DNMBP: variants seen among roughly 807,000 people sequenced by gnomAD.
DNMBP encodes the protein dynamin binding protein, also known as dynamin-binding protein.
DNMBP carries 87 observed loss-of-function variants against 150.0 expected under a neutral mutation model. The ratio of observed to expected loss-of-function variants is 0.58; its 90% CI spans 0.49 to 0.69. The LOEUF (loss-of-function observed/expected upper bound fraction) is 0.69. Ranked by LOEUF, DNMBP falls within the 30% of genes least tolerant of loss-of-function variation. The pLI is 0.00. For synonymous variants in DNMBP, 711 were observed against 750.4 expected (o/e 0.95, Z 0.86); for missense variants, 1,774 against 1,949.0 (o/e 0.91, Z 1.69).
Position 99,957,199 on chromosome 10 carries a change from A to C in DNMBP, c.275T>G (p.Leu92Arg). 6.2e-7 allele frequency: 1 copy of C among 1,600,820 alleles called. No individual in the cohort carries two copies. Among genetic ancestry groups the C allele is most frequent in the Non-Finnish European group, 8.5e-7 (1 of 1,178,868 alleles). Reference sequence around the variant, plus strand: ...AGTGGGAATGCCATCGAGAATCACCAGGTCACCTAAAGAAAAGAGGAGCAG... The same window carrying C: ...AGTGGGAATGCCATCGAGAATCACCCGGTCACCTAAAGAAAAGAGGAGCAG... Reference protein sequence around the residue: ...LDNLPLHRGDLVILDGIPTAG... With the variant: ...LDNLPLHRGDRVILDGIPTAG... The change falls in exon 4 of 17, where the codon CTG becomes CGG. Residue 92 changes from leucine (L) to arginine (R), a missense_variant. Leu to Arg is a moderately radical substitution (Grantham distance 102). Transcript: ENST00000324109.
At position 99,955,388 on chromosome 10, in the gene DNMBP, C is replaced by T. The variant is rs1179350027; in HGVS notation, c.2086G>A (p.Val696Met). 5.6e-6 allele frequency: 9 copies of T among 1,614,196 alleles called. No homozygotes were observed. Among genetic ancestry groups the T allele is most frequent in the Non-Finnish European group, 6.8e-6 (8 of 1,180,036 alleles). ...DQTSPCPLVL[V>M]RIEEMERDLD... Reference sequence around the variant, plus strand: ...TCCCGCTCCATTTCCTCAATCCTCACCAGCACTAAGGGGCATGGGGAGGTC... The same window carrying T: ...TCCCGCTCCATTTCCTCAATCCTCATCAGCACTAAGGGGCATGGGGAGGTC... Residue 696 changes from valine (V) to methionine (M), a missense_variant, in exon 4 of 17, where the codon GTG becomes ATG. By Grantham distance (21) the Val-to-Met change is conservative (BLOSUM62 1). This residue lies in a region of DNMBP where 1,430 missense variants were observed against 1,492.5 expected (regional missense o/e 0.96). Transcript: ENST00000324109.
intron 11 of DNMBP, among the ~76,000 whole-genome samples, chr10:99,889,666 C>T (rs1310472658): frequency 1.3e-5 from 2 of 152,174 alleles, no homozygotes; most frequent in African/African-American, 4.8e-5. Context: ...GCCTGGCCAG[C>T]ATGGTGAGAC....
chr10:99,933,408 C>T (rs1391152568), intron 4 of DNMBP, among the ~76,000 whole-genome samples: 2 of 152,202 alleles, frequency 1.3e-5, no homozygotes, highest in Non-Finnish European at 2.9e-5. Context: ...TTCACCTTTA[C>T]TGTGTAGAAA....
At position 100,002,338 on chromosome 10, in the gene DNMBP, G is replaced by A. The variant is rs548086348; in HGVS notation, c.-11+7500C>T. ...TAGTCTAAAAAGAAAGAAAAAGAAA[G>A]AGAGAGAAGAGCTGGCCATGAGAAT... On this transcript the variant is annotated intron_variant, in intron 1 of 16. Transcript: ENST00000324109. 9.0e-4 allele frequency among the ~76,000 whole-genome samples: 136 copies of A among 151,482 alleles called. 1 individual carries two copies. Among genetic ancestry groups the A allele is most frequent in the African/African-American group, 3.2e-3 (133 of 41,466 alleles).
intron 12 of DNMBP, 66 bp from the exon 13 acceptor site, chr10:99,886,698 A>G: frequency 6.7e-7 from 1 of 1,483,914 alleles, no homozygotes; most frequent in Non-Finnish European, 9.2e-7. Context: ...TATCCAAGTC[A>G]CTCTTAAGGC....
chr10:99,912,664 A>G (rs1441910343), intron 4 of DNMBP, among the ~76,000 whole-genome samples: 1 of 152,194 alleles, frequency 6.6e-6, no homozygotes, highest in Non-Finnish European at 1.5e-5. Flanking sequence ...CAATTTTAAT[A>G]AAACCCTAGG....
intron 4 of DNMBP, among the ~76,000 whole-genome samples, chr10:99,912,575 G>GT (rs1564729307): frequency 6.6e-6 from 1 of 152,314 alleles, no homozygotes; most frequent in East Asian, 1.9e-4. Context: ...CCTGTGGGAT[G>GT]TTTTCACTAT....
chr10:99,981,291 C>T (rs1049037430), intron 1 of DNMBP, among the ~76,000 whole-genome samples: 6 of 152,152 alleles, frequency 3.9e-5, no homozygotes, highest in African/African-American at 1.2e-4. Context: ...AAGTAACTCT[C>T]GTGCCTCAGC....
intron 7 of DNMBP, 50 bp from the exon 8 acceptor site, chr10:99,898,810 A>T (rs1164547460): frequency 1.3e-6 from 2 of 1,543,436 alleles, no homozygotes; most frequent in Non-Finnish European, 1.8e-6. Context: ...TTAGAGAGAG[A>T]ATCTTGAGTT....
intron 4 of DNMBP, among the ~76,000 whole-genome samples, chr10:99,918,938 GAC>G (rs1194838181): frequency 1.3e-5 from 2 of 152,072 alleles, no homozygotes; most frequent in African/African-American, 4.8e-5. Flanking sequence ...TAAAATAATC[GAC>G]ACAGCAAAGA....
intron 3 of DNMBP, among the ~76,000 whole-genome samples, chr10:99,962,331 G>A (rs914411035): frequency 6.6e-6 from 1 of 152,080 alleles, no homozygotes; most frequent in Non-Finnish European, 1.5e-5. Context: ...TCAGAAGTTG[G>A]GGTCCTAAAA....
intron 8 of DNMBP, 133 bp downstream of exon 8, chr10:99,898,610 C>T (rs780668172): frequency 1.8e-5 from 17 of 956,588 alleles, no homozygotes; most frequent in Non-Finnish European, 2.6e-5. Context: ...ATAAGTGCTA[C>T]GAAAGAAAAC....
At chr10:99,961,618 C>T (rs527548992) in intron 3 of DNMBP, among the ~76,000 whole-genome samples, 1 of 151,976 alleles carries the variant, frequency 6.6e-6, no homozygotes, top group Non-Finnish European at 1.5e-5. Flanking sequence ...CACCATCTCA[C>T]CCTTTGAAAT....
In DNMBP at chr10:99,885,648, A is replaced by T. The variant is rs1331747406; in HGVS notation, c.3798+39T>A. The stretch of plus-strand genomic sequence containing the variant: ...CCTGGCTGCAGGGTTCCCCCTCTTT[A>T]CCCCGAGGCGGGGCTGCTGCTCTCA... On this transcript the variant is annotated intron_variant, in intron 14 of 16. Coordinates refer to ENST00000324109, the MANE Select transcript of DNMBP (RefSeq NM_015221.4). The T allele has an allele frequency of 5.9e-6, 9 of 1,528,238 alleles. No individual in the cohort carries two copies. In the Admixed American group the frequency reaches 1.7e-4, roughly 28 times the overall value. 94.7% of individuals were successfully genotyped at this position (1,528,238 alleles called of 1,614,324 possible).
At chr10:99,978,573 G>A (rs530710412) in intron 1 of DNMBP, among the ~76,000 whole-genome samples, 1 of 152,072 alleles carries the variant, frequency 6.6e-6, no homozygotes, top group South Asian at 2.1e-4. Context: ...ATTTGTTTAC[G>A]GTTTTTGTTG....
intron 4 of DNMBP, among the ~76,000 whole-genome samples, chr10:99,948,204 A>G (rs1011892479): frequency 2.0e-5 from 3 of 152,262 alleles, no homozygotes; most frequent in African/African-American, 7.2e-5. Context: ...TCACAACAAC[A>G]AACCGTGCAT....
At chr10:99,990,364 G>A (rs1452076271) in intron 1 of DNMBP, among the ~76,000 whole-genome samples, 1 of 151,882 alleles carries the variant, frequency 6.6e-6, no homozygotes, top group African/African-American at 2.4e-5. Flanking sequence ...ACCAGTCTGG[G>A]CAACATGGTG....
At chr10:99,884,726 T>A (rs1157336583) in intron 14 of DNMBP, among the ~76,000 whole-genome samples, 1 of 152,042 alleles carries the variant, frequency 6.6e-6, no homozygotes, top group Non-Finnish European at 1.5e-5. Context: ...CTGGTCAACA[T>A]AGCGAAACCC....
At chr10:99,946,391 G>A (rs2040357622) in intron 4 of DNMBP, among the ~76,000 whole-genome samples, 2 of 152,212 alleles carry the variant, frequency 1.3e-5, no homozygotes, top group African/African-American at 2.4e-5. Flanking sequence ...AATGCTCTGT[G>A]TATTTAAAAT....
Sources: gnomAD v4.1 joint callset for allele counts (sites outside exome capture counted in the v4.1 genomes callset) on GRCh38, gnomAD v4.1.1 for gene constraint, gnomAD v4.1.1 regional missense constraint, MANE v1.5 for transcripts, NCBI Gene and HGNC (gene_info 2026-07-23, HGNC 2026-07-21) for gene names.